Variants in CD151 observed in about 807,000 individuals in gnomAD.
CD151 encodes the protein CD151 molecule (Raph blood group), also known as CD151 antigen.
In CD151, 20 loss-of-function variants were observed where a neutral mutation model predicts 34.2. That is an observed-to-expected ratio of 0.58 (90% CI 0.41 to 0.85). The LOEUF (loss-of-function observed/expected upper bound fraction) is 0.85. Ranked by LOEUF, CD151 falls within the 40% of genes least tolerant of loss-of-function variation. The pLI is 0.00. For synonymous variants in CD151, 157 were observed against 131.7 expected (o/e 1.19, Z -1.32); for missense variants, 306 against 324.5 (o/e 0.94, Z 0.44).
At chr11:836,198 C>T (rs370830997) in intron 3 of CD151, 45 bp downstream of exon 3, 42 of 1,564,276 alleles carry the variant, frequency 2.7e-5, no homozygotes, top group East Asian at 6.7e-5. Flanking sequence ...CCACCCCTCC[C>T]GGGCCACCAT....
chr11:836,648 G>T (rs1846783143), intron 4 of CD151, 121 bp from the exon 5 acceptor site: 1 of 987,064 alleles, frequency 1.0e-6, no homozygotes, highest in African/African-American at 1.6e-5. Flanking sequence ...TTCAGGGAGG[G>T]TGGCCGCCCC....
chr11:838,378 C>T lies in CD151; in HGVS notation c.*186C>T. On this transcript the variant is annotated 3_prime_UTR_variant, in exon 9 of 9. Transcript: ENST00000397420. ...TGCCCAGCAGGGGAGGTGAGGGGGG[C>T]TGGCGGGGCGAAGTTTGGGGGGTGT... 6.2e-6 allele frequency: 3 copies of T among 483,144 alleles called. No individual in the cohort carries two copies. The highest frequency in any genetic ancestry group is 2.6e-5 in the South Asian group (1 of 39,102). The allele number at this position is 483,144 out of a possible 1,614,324, so 29.9% of individuals were successfully genotyped here.
intron 5 of CD151, 68 bp downstream of exon 5, chr11:836,911 A>G: frequency 7.2e-7 from 1 of 1,393,142 alleles, no homozygotes; most frequent in African/African-American, 1.4e-5. Flanking sequence ...ACACACATGC[A>G]CACGCGTGGC....
rs1273525483 is a variant in CD151, at chr11:835,771, T to C, written c.-7-292T>C. The C allele has an allele frequency of 1.2e-5, 4 of 345,884 alleles. No homozygotes were observed. In the East Asian group the frequency reaches 2.5e-4, roughly 22 times the overall value. The allele number at this position is 345,884 out of a possible 1,614,324, so 21.4% of individuals were successfully genotyped here. On this transcript the variant is annotated intron_variant, in intron 2 of 8. Transcript: ENST00000397420. ...GGCACCATCTCGGCTCACTGCAAGC[T>C]TCGCCTCCCGGGTTCACGCCATTCT...
rs1325056492 is a variant in CD151 at position 838,298 on chromosome 11, C to T, written c.*106C>T. On this transcript the variant is annotated 3_prime_UTR_variant, in exon 9 of 9. Coordinates refer to ENST00000397420, the MANE Select transcript of CD151 (RefSeq NM_004357.5). Reference sequence around the variant, plus strand: ...CACCCACCCTGTGCCATCACCATAACCTCTGGGGACCCCAACCTCAGAGGC... The same window carrying T: ...CACCCACCCTGTGCCATCACCATAATCTCTGGGGACCCCAACCTCAGAGGC... 5 of 911,964 alleles carry T rather than the reference C, an allele frequency of 5.5e-6. No individual in the cohort carries two copies. The highest frequency in any genetic ancestry group is 2.5e-5 in the East Asian group (1 of 40,048). 56.5% of individuals were successfully genotyped at this position (911,964 alleles called of 1,614,324 possible). A position where few individuals can be genotyped will look rare whatever the true frequency, so the allele number is the denominator to read the frequency against.
At chr11:837,886 G>T in intron 7 of CD151, 56 bp from the exon 8 acceptor site, 3 of 1,367,542 alleles carry the variant, frequency 2.2e-6, no homozygotes, top group East Asian at 2.4e-5. Context: ...GAGGCAGTAG[G>T]GGCCAGTGGG....
chr11:836,940 C>A (rs1297699498), intron 5 of CD151, 97 bp downstream of exon 5: 2 of 1,057,274 alleles, frequency 1.9e-6, no homozygotes, highest in East Asian at 2.5e-5. Flanking sequence ...ACCCCCACCC[C>A]CATGGTCCCA....
chr11:838,364 G>A lies in CD151; in HGVS notation c.*172G>A, dbSNP rs570773991. 3.3e-6 allele frequency: 2 copies of A among 609,396 alleles called. No homozygotes were observed. The highest frequency in any genetic ancestry group is 3.9e-5 in the South Asian group (2 of 51,078). The allele number at this position is 609,396 out of a possible 1,614,324, so 37.7% of individuals were successfully genotyped here. ...TTGCTGCGCACCAATGCCCAGCAGG[G>A]GAGGTGAGGGGGGCTGGCGGGGCGA... On this transcript the variant is annotated 3_prime_UTR_variant, in exon 9 of 9. Transcript: ENST00000397420.
chr11:837,917 T>C, intron 7 of CD151, 25 bp from the exon 8 acceptor site: 2 of 1,591,556 alleles, frequency 1.3e-6, no homozygotes, highest in Non-Finnish European at 1.7e-6. Flanking sequence ...TGGGCCCGCC[T>C]TCAACACCCA....
intron 2 of CD151, 49 bp from the exon 3 acceptor site, chr11:836,014 T>G: frequency 8.9e-7 from 1 of 1,124,704 alleles, no homozygotes; most frequent in South Asian, 1.3e-5. Flanking sequence ...CGTCTCCCAG[T>G]CAGGGGCCCG....
chr11:833,872 C>A (rs28478991), intron 1 of CD151: 91,249 of 138,182 alleles, frequency 0.66, 31,664 homozygotes, highest in East Asian at 0.9. Flanking sequence ...CTGCCTGTGC[C>A]ACCCTTCCTG....
Position 837,079 on chromosome 11 carries a change from G to A in CD151, c.352-171G>A, listed in dbSNP as rs552287396. 35 of 667,752 alleles carry A rather than the reference G, an allele frequency of 5.2e-5. No homozygotes were observed. The South Asian group carries it at 5.8e-4, about 11-fold the overall frequency. 41.4% of individuals were successfully genotyped at this position (667,752 alleles called of 1,614,324 possible). On this transcript the variant is annotated intron_variant, in intron 5 of 8. Transcript: ENST00000397420. Reference sequence around the variant, plus strand: ...TCTGCCGCACTTCATTGTCACCCTGGTGACGGTCCTGGCACCACCCAACCT... The same window carrying A: ...TCTGCCGCACTTCATTGTCACCCTGATGACGGTCCTGGCACCACCCAACCT...
chr11:836,873 C>G (rs1287890862), intron 5 of CD151, 30 bp downstream of exon 5: 2 of 1,584,650 alleles, frequency 1.3e-6, no homozygotes, highest in Admixed American at 1.7e-5. Flanking sequence ...CATTCAGAGA[C>G]ACAGACATGC....
At chr11:837,903 C>T in intron 7 of CD151, 39 bp from the exon 8 acceptor site, 1 of 1,517,182 alleles carries the variant, frequency 6.6e-7, no homozygotes, top group Non-Finnish European at 9.0e-7. Context: ...TGGGAGGTGC[C>T]CCCTGGGCCC....
chr11:836,347 G>C lies in CD151; in HGVS notation c.181G>C (p.Ala61Pro). Residue 61 changes from alanine to proline, a missense_variant, in exon 4 of 9, where the codon GCC becomes CCC. By Grantham distance (27) the Ala-to-Pro change is conservative. Coordinates refer to ENST00000397420, the MANE Select transcript of CD151 (RefSeq NM_004357.5). Reference sequence around the variant, plus strand: ...GGCCTCAGGCACCTACCTGGCCACAGCCTACATCCTGGTGGTGGCGGGCAC... The same window carrying C: ...GGCCTCAGGCACCTACCTGGCCACACCCTACATCCTGGTGGTGGCGGGCAC... ...LLASGTYLAT[A>P]YILVVAGTVV... is the part of the protein sequence containing the mutation. 1 of 1,612,662 alleles carries C rather than the reference G, an allele frequency of 6.2e-7. No homozygotes were observed. Among genetic ancestry groups the C allele is most frequent in the Non-Finnish European group, 8.5e-7 (1 of 1,179,846 alleles).
chr11:838,399 G>A lies in CD151; in HGVS notation c.*207G>A. 1 of 590,412 alleles carries A rather than the reference G, an allele frequency of 1.7e-6. No homozygotes were observed. Among genetic ancestry groups the A allele is most frequent in the Non-Finnish European group, 3.0e-6 (1 of 330,718 alleles). The allele number at this position is 590,412 out of a possible 1,614,324, so 36.6% of individuals were successfully genotyped here. A position where few individuals can be genotyped will look rare whatever the true frequency, so the allele number is the denominator to read the frequency against. ...GGGGCTGGCGGGGCGAAGTTTGGGG[G>A]GTGTTTTGTGGGGCTCCCCAGACAC... On this transcript the variant is annotated 3_prime_UTR_variant, in exon 9 of 9. Coordinates refer to ENST00000397420, the MANE Select transcript of CD151 (RefSeq NM_004357.5).
rs530619984 is a variant in CD151, at chr11:836,004, C to T, written c.-7-59C>T. 55 of 1,010,062 alleles carry T rather than the reference C, an allele frequency of 5.4e-5. No homozygotes were observed. In the South Asian group the frequency reaches 6.2e-4, roughly 11 times the overall value. The allele number at this position is 1,010,062 out of a possible 1,614,324, so 62.6% of individuals were successfully genotyped here. A position where few individuals can be genotyped will look rare whatever the true frequency, so the allele number is the denominator to read the frequency against. On this transcript the variant is annotated intron_variant, in intron 2 of 8. Transcript: ENST00000397420. ...GCCTGGCCCTGTGTCCCCTCCTATC[C>T]GTCTCCCAGTCAGGGGCCCGGTGCT...
intron 2 of CD151, 36 bp downstream of exon 2, chr11:834,627 G>A (rs1671644599): frequency 6.6e-6 from 1 of 152,548 alleles, no homozygotes; most frequent in South Asian, 2.1e-4. Context: ...AGCAGGCGGG[G>A]CGGCGAAAGT....
Position 837,975 on chromosome 11 carries a change from C to T in CD151, c.649C>T (p.Gln217Ter), listed in dbSNP as rs570753524. 2 of 1,613,292 alleles carry T rather than the reference C, an allele frequency of 1.2e-6. No individual in the cohort carries two copies. Among genetic ancestry groups the T allele is most frequent in the South Asian group, 2.2e-5 (2 of 91,048 alleles). ...CATCACCAAGTTGGAGACCTTCATC[C>T]AGGAGCACCTGAGGGTCATTGGGGC... Reference protein sequence around the residue: ...GCITKLETFIQEHLRVIGAVG... With the variant: ...GCITKLETFI The change falls in exon 8 of 9, where the codon CAG becomes TAG. Residue 217 changes from glutamine (Q) to a stop codon, truncating the protein, a stop_gained. Transcript: ENST00000397420. LOFTEE classifies it high-confidence loss of function.
Sources: allele counts gnomAD v4.1 joint callset, GRCh38; gene constraint gnomAD v4.1.1; transcripts MANE v1.5; gene names NCBI Gene and HGNC (gene_info 2026-07-23, HGNC 2026-07-21).